RPS9: variants seen among roughly 807,000 people sequenced by gnomAD.
RPS9 encodes the protein ribosomal protein S9.
Under a neutral mutation model 16.9 loss-of-function variants are expected in RPS9, and 1 was observed. The observed-to-expected ratio is 0.06, with a 90% confidence interval of 0.02 to 0.28. RPS9 has a LOEUF of 0.28. Ranked by LOEUF, RPS9 falls within the 10% of genes least tolerant of loss-of-function variation. The pLI is 1.00. For synonymous variants in RPS9, 106 were observed against 110.9 expected (o/e 0.96, Z 0.28); for missense variants, 137 against 273.2 (o/e 0.50, Z 3.51).
intron 4 of RPS9, 41 bp from the exon 5 acceptor site, chr19:54,207,357 C>G (rs779693602): frequency 1.3e-6 from 2 of 1,544,458 alleles, no homozygotes; most frequent in Non-Finnish European, 1.8e-6. Context: ...GGTTAGCGTC[C>G]GTTTCTCCTC....
chr19:54,205,119 T>C (rs1455528107), intron 3 of RPS9, among the ~76,000 whole-genome samples: 1 of 152,116 alleles, frequency 6.6e-6, no homozygotes, highest in East Asian at 1.9e-4. Context: ...AGCCACTTTT[T>C]ATAAAAGTGC....
intron 3 of RPS9, among the ~76,000 whole-genome samples, chr19:54,204,297 G>A (rs931930462): frequency 3.9e-5 from 6 of 152,088 alleles, no homozygotes; most frequent in African/African-American, 9.7e-5. Context: ...CCCAGGAGGC[G>A]GAGTTTGCAG....
chr19:54,201,512 T>A lies in RPS9; in HGVS notation c.123T>A (p.Arg41=). The stretch of plus-strand genomic sequence containing the variant: ...GCGAGTATGGGCTCCGGAACAAACG[T>A]GAGGTCTGGAGGGTCAAATTTACCC... ...LIGEYGLRNK[R]EVWRVKFTLA... is the part of the protein sequence containing the mutation. The change falls in exon 3 of 5, where the codon CGT becomes CGA. Residue 41 remains arginine, a synonymous_variant. Transcript: ENST00000302907. 1 of 1,613,936 alleles carries A rather than the reference T, an allele frequency of 6.2e-7. No homozygotes were observed. The highest frequency in any genetic ancestry group is 8.5e-7 in the Non-Finnish European group (1 of 1,179,950).
At chr19:54,201,835 A>G (rs2077064795) in intron 3 of RPS9, 1 of 882,258 alleles carries the variant, frequency 1.1e-6, no homozygotes, top group Non-Finnish European at 1.7e-6. Context: ...CCTTCAGTTT[A>G]GTAATGACCA....
intron 3 of RPS9, among the ~76,000 whole-genome samples, chr19:54,205,547 A>G (rs750415871): frequency 2.6e-5 from 4 of 152,110 alleles, no homozygotes; most frequent in South Asian, 2.1e-4. Flanking sequence ...ATGTGATTCA[A>G]TCTCACATCT....
At chr19:54,203,539 C>T (rs960498353) in intron 3 of RPS9, among the ~76,000 whole-genome samples, 7 of 152,014 alleles carry the variant, frequency 4.6e-5, no homozygotes, top group Admixed American at 6.6e-5. Flanking sequence ...CCGAGGTGGT[C>T]GGATCACTTG....
At chr19:54,206,829 C>T (rs1277308029) in intron 4 of RPS9, 5 of 1,023,980 alleles carry the variant, frequency 4.9e-6, no homozygotes, top group Non-Finnish European at 6.9e-6. Context: ...GATTCCAGAC[C>T]CCGATCCATG....
Position 54,207,402 on chromosome 19 carries a change from C to T in RPS9, c.412C>T (p.Arg138Cys). Residue 138 changes from arginine (R) to cysteine (C), a missense_variant, in exon 5 of 5, where the codon CGC becomes TGC. Coordinates refer to ENST00000302907, the MANE Select transcript of RPS9 (RefSeq NM_001013.4). ...VLIRQRHIRV[R>C]KQVVNIPSFI... ...TCACCTTGTCGCTGCTTCCAGGGTC[C>T]GCAAGCAGGTGGTGAACATCCCGTC... 4 of 1,609,970 alleles carry T rather than the reference C, an allele frequency of 2.5e-6. No homozygotes were observed. Among genetic ancestry groups the T allele is most frequent in the Non-Finnish European group, 2.5e-6 (3 of 1,177,494 alleles).
rs147085212 is a variant in RPS9 at position 54,203,646 on chromosome 19, C to T, written c.220+2037C>T. Among the ~76,000 whole-genome samples, 66 of 152,168 alleles carry T rather than the reference C, an allele frequency of 4.3e-4. No homozygotes were observed. The East Asian group carries it at 0.012, about 28-fold the overall frequency. On this transcript the variant is annotated intron_variant, in intron 3 of 4. Transcript: ENST00000302907. The stretch of plus-strand genomic sequence containing the variant: ...AAATTAGCCGAGCATGGTGGTGTGC[C>T]TATAATCCCAGCTACTCGGGAGGCT...
chr19:54,201,096 C>T (rs2077028069), intron 1 of RPS9, 64 bp from the exon 2 acceptor site: 1 of 1,585,854 alleles, frequency 6.3e-7, no homozygotes, highest in Non-Finnish European at 8.6e-7. Flanking sequence ...GAGGTTTTGG[C>T]GTAGTTGTGG....
At chr19:54,201,035 G>T in intron 1 of RPS9, 125 bp from the exon 2 acceptor site, 1 of 1,479,158 alleles carries the variant, frequency 6.8e-7, no homozygotes, top group African/African-American at 1.4e-5. Context: ...GGCAGATACT[G>T]ACTATGAGAG....
At position 54,206,260 on chromosome 19, in the gene RPS9, C is replaced by T. The variant is rs945695310; in HGVS notation, c.221-16C>T. 1.2e-6 allele frequency: 2 copies of T among 1,609,256 alleles called. No individual in the cohort carries two copies. The highest frequency in any genetic ancestry group is 8.5e-7 in the Non-Finnish European group (1 of 1,176,284). ...GGTCAGAAGGCGGAATCAGTGTTTC[C>T]TCCCACTCTTCCCAGGCAACGCCCT... On this transcript the variant is annotated splice_polypyrimidine_tract_variant and intron_variant, in intron 3 of 4. Transcript: ENST00000302907.
rs368895573 is a variant in RPS9 at position 54,207,610 on chromosome 19, C to G, written c.*35C>G. 3.3e-6 allele frequency: 5 copies of G among 1,531,130 alleles called. No individual in the cohort carries two copies. Among genetic ancestry groups the G allele is most frequent in the Non-Finnish European group, 4.4e-6 (5 of 1,133,344 alleles). The allele number at this position is 1,531,130 out of a possible 1,614,324, so 94.8% of individuals were successfully genotyped here. On this transcript the variant is annotated 3_prime_UTR_variant, in exon 5 of 5. Transcript: ENST00000302907. The stretch of plus-strand genomic sequence containing the variant: ...TCCCTCCTGGGCTGCTGGATTGTCT[C>G]GTTTTCCTGCCAAATAAACAGGATC...
At chr19:54,201,456 C>G (rs750040294) in intron 2 of RPS9, 31 bp from the exon 3 acceptor site, 1 of 1,613,904 alleles carries the variant, frequency 6.2e-7, no homozygotes. Context: ...GTACGTGGGA[C>G]TACACTTGTC....
chr19:54,202,243 T>A (rs10403245), intron 3 of RPS9: 4,394 of 170,462 alleles, frequency 0.026, 209 homozygotes, highest in African/African-American at 0.1. Flanking sequence ...GGAGTGTAGT[T>A]GTCGCAATCT....
chr19:54,204,862 A>T (rs1014259477), intron 3 of RPS9, among the ~76,000 whole-genome samples: 14 of 152,176 alleles, frequency 9.2e-5, no homozygotes, highest in African/African-American at 3.4e-4. Flanking sequence ...TGTTGAGTTA[A>T]AAAAGAACAA....
chr19:54,207,434 T>C lies in RPS9; in HGVS notation c.444T>C (p.Ile148=). The C allele has an allele frequency of 6.2e-7, 1 of 1,613,744 alleles. No homozygotes were observed. ...AGGTGGTGAACATCCCGTCCTTCATTGTCCGCCTGGATTCCCAGAAGCACA... is the reference window on the plus strand; with the variant it reads ...AGGTGGTGAACATCCCGTCCTTCATCGTCCGCCTGGATTCCCAGAAGCACA... The part of the protein sequence containing the change: ...RKQVVNIPSF[I]VRLDSQKHID... The change falls in exon 5 of 5, where the codon ATT becomes ATC. Residue 148 remains isoleucine (I), a synonymous_variant. Coordinates refer to ENST00000302907, the MANE Select transcript of RPS9 (RefSeq NM_001013.4).
At position 54,201,277 on chromosome 19, in the gene RPS9, G is replaced by C; in HGVS notation, c.93G>C (p.Leu31=). ...CTCGTCTCGACCAAGAGCTGAAGCT[G>C]ATCGGTGAGTGGCCAAGGCTTCCGG... ...EKSRLDQELK[L]IGEYGLRNKR... is the part of the protein sequence containing the mutation. Residue 31 remains leucine (L), a synonymous_variant, in exon 2 of 5, where the codon CTG becomes CTC. Transcript: ENST00000302907. 6.2e-7 allele frequency: 1 copy of C among 1,614,174 alleles called. No homozygotes were observed. The highest frequency in any genetic ancestry group is 2.2e-5 in the East Asian group (1 of 44,880).
In RPS9 at chr19:54,206,406, G is replaced by A. The variant is rs767635792; in HGVS notation, c.351G>A (p.Leu117=). 1 of 1,614,264 alleles carries A rather than the reference G, an allele frequency of 6.2e-7. No individual in the cohort carries two copies. The highest frequency in any genetic ancestry group is 8.5e-7 in the Non-Finnish European group (1 of 1,180,042). The change falls in exon 4 of 5, where the codon CTG becomes CTA. Residue 117 remains leucine (L), a synonymous_variant. Transcript: ENST00000302907. The part of the protein sequence containing the change: ...ERRLQTQVFK[L]GLAKSIHHAR... ...GCCTGCAGACCCAGGTCTTCAAGCT[G>A]GGCTTGGCCAAGTCCATCCACCACG...
Sources: gnomAD v4.1 joint callset for allele counts (sites outside exome capture counted in the v4.1 genomes callset) on GRCh38, gnomAD v4.1.1 for gene constraint, MANE v1.5 for transcripts, NCBI Gene and HGNC (gene_info 2026-07-23, HGNC 2026-07-21) for gene names.